Variants in TIAM1 observed in about 807,000 individuals in gnomAD.
The protein encoded by TIAM1 is TIAM Rac1 associated GEF 1, also known as rho guanine nucleotide exchange factor TIAM1.
A neutral mutation model predicts 163.5 loss-of-function variants in TIAM1; 65 were observed. That is an observed-to-expected ratio of 0.40 (90% confidence interval 0.33 to 0.49). TIAM1 has a LOEUF of 0.49. Ranked by LOEUF, TIAM1 falls within the 20% of genes least tolerant of loss-of-function variation. TIAM1 has a pLI of 0.77. For synonymous variants in TIAM1, 833 were observed against 810.1 expected, an observed-to-expected ratio of 1.03 and a Z score of -0.48; for missense variants, 1,789 against 2,044.7, an observed-to-expected ratio of 0.87 and a Z score of 2.41.
intron 15 of TIAM1, among the ~76,000 whole-genome samples, chr21:31,178,035 GC>G (rs1328906664): frequency 6.6e-6 from 1 of 152,116 alleles, no homozygotes; most frequent in Non-Finnish European, 1.5e-5. Context: ...AGTCCATCCT[GC>G]CCGTTGTACA....
At chr21:31,423,853 TC>T (rs2043679514) in intron 2 of TIAM1, among the ~76,000 whole-genome samples, 1 of 7,638 alleles carries the variant, frequency 1.3e-4, no homozygotes, top group Non-Finnish European at 3.7e-4. Context: ...TTAATGATTA[TC>T]GGGGGGGGCG....
chr21:31,135,363 T>TAAG (rs1454251630), intron 23 of TIAM1, among the ~76,000 whole-genome samples: 1 of 152,172 alleles, frequency 6.6e-6, no homozygotes, highest in Non-Finnish European at 1.5e-5. Context: ...TATTAAAAAA[T>TAAG]AAGTCATTCG....
intron 6 of TIAM1, among the ~76,000 whole-genome samples, chr21:31,229,746 A>G (rs964477065): frequency 9.3e-5 from 14 of 151,346 alleles, no homozygotes; most frequent in African/African-American, 3.4e-4. Context: ...TCCGCCTCCC[A>G]AGTTCAAGAG....
chr21:31,341,862 C>G (rs543157481), intron 1 of TIAM1, among the ~76,000 whole-genome samples: 1 of 152,138 alleles, frequency 6.6e-6, no homozygotes, highest in African/African-American at 2.4e-5. Flanking sequence ...AAGGAGGTGG[C>G]CTTTGTTTGT....
chr21:31,496,620 AT>A (rs1446618077), intron 1 of TIAM1, among the ~76,000 whole-genome samples: 4 of 149,504 alleles, frequency 2.7e-5, no homozygotes, highest in African/African-American at 7.3e-5. Flanking sequence ...AGAAAAAAAA[AT>A]TTTTATACAT....
intron 2 of TIAM1, among the ~76,000 whole-genome samples, chr21:31,383,959 C>G (rs1422398678): frequency 6.6e-6 from 1 of 152,144 alleles, no homozygotes; most frequent in Non-Finnish European, 1.5e-5. Flanking sequence ...CTGACAGCTG[C>G]TCCTCTATCT....
intron 1 of TIAM1, among the ~76,000 whole-genome samples, chr21:31,512,879 A>T (rs2047260517): frequency 6.6e-6 from 1 of 151,986 alleles, no homozygotes; most frequent in African/African-American, 2.4e-5. Flanking sequence ...CCTGAGCTCA[A>T]GTGATCCTCC....
At chr21:31,299,548 G>C (rs1228071367) in intron 2 of TIAM1, among the ~76,000 whole-genome samples, 1 of 152,190 alleles carries the variant, frequency 6.6e-6, no homozygotes. Flanking sequence ...CTTGAAATCT[G>C]AAACAGATAA....
chr21:31,538,442 C>T (rs1459129935), intron 1 of TIAM1, among the ~76,000 whole-genome samples: 2 of 152,086 alleles, frequency 1.3e-5, no homozygotes, highest in Non-Finnish European at 2.9e-5. Context: ...ACTCAGGAGG[C>T]TGAGATGGGA....
chr21:31,260,108 CTTTT>C (rs563555244), intron 4 of TIAM1, among the ~76,000 whole-genome samples: 3 of 131,184 alleles, frequency 2.3e-5, no homozygotes, highest in Non-Finnish European at 3.3e-5. Context: ...CTAATTTTTC[CTTTT>C]TTTTTTTTTT....
At chr21:31,350,284 T>C (rs973598131) in intron 2 of TIAM1, among the ~76,000 whole-genome samples, 2 of 152,140 alleles carry the variant, frequency 1.3e-5, no homozygotes, top group African/African-American at 2.4e-5. Flanking sequence ...TTTAATGGTA[T>C]TCATGGGTGG....
intron 1 of TIAM1, among the ~76,000 whole-genome samples, chr21:31,513,356 G>A (rs1308624535): frequency 3.3e-5 from 5 of 152,172 alleles, no homozygotes; most frequent in Non-Finnish European, 7.3e-5. Context: ...CAGTCCACTA[G>A]TCTGTGCTGC....
intron 16 of TIAM1, among the ~76,000 whole-genome samples, chr21:31,156,987 C>T (rs2083656345): frequency 6.6e-6 from 1 of 152,224 alleles, no homozygotes; most frequent in South Asian, 2.1e-4. Context: ...ATATTCTTCA[C>T]TGCAGTCTAT....
chr21:31,204,264 G>A (rs2086343669), intron 11 of TIAM1, among the ~76,000 whole-genome samples: 1 of 152,074 alleles, frequency 6.6e-6, no homozygotes, highest in South Asian at 2.1e-4. Context: ...ATAATGTCTG[G>A]AATTTGCTTC....
intron 1 of TIAM1, among the ~76,000 whole-genome samples, chr21:31,470,766 G>A (rs1038488992): frequency 3.3e-5 from 5 of 152,168 alleles, no homozygotes; most frequent in East Asian, 3.9e-4. Context: ...CAATGCTGCC[G>A]GGAAAACCAT....
chr21:31,243,203 A>ATATATAT (rs1214097603), intron 6 of TIAM1, among the ~76,000 whole-genome samples: 1 of 132,736 alleles, frequency 7.5e-6, no homozygotes, highest in African/African-American at 3.1e-5. Context: ...AAAAAAAAAA[A>ATATATAT]AAAAAAATAT....
At chr21:31,127,264 A>G in intron 25 of TIAM1, 112 bp from the exon 26 acceptor site, 1 of 892,248 alleles carries the variant, frequency 1.1e-6, no homozygotes, top group Admixed American at 2.2e-5. Context: ...AGAACACTGT[A>G]TAAGATCAAA....
chr21:31,164,769 A>G (rs2084124918), intron 16 of TIAM1, among the ~76,000 whole-genome samples, 193 bp downstream of exon 16: 1 of 152,228 alleles, frequency 6.6e-6, no homozygotes, highest in South Asian at 2.1e-4. Flanking sequence ...TTTCTCCCCT[A>G]TATTCTCACA....
intron 1 of TIAM1, among the ~76,000 whole-genome samples, chr21:31,541,222 T>C (rs1321184111): frequency 6.6e-6 from 1 of 152,170 alleles, no homozygotes; most frequent in African/African-American, 2.4e-5. Context: ...TTTGGGAGGC[T>C]GAGGCGGGCA....
Sources: gnomAD v4.1 joint callset for allele counts (sites outside exome capture counted in the v4.1 genomes callset) on GRCh38, gnomAD v4.1.1 for gene constraint, MANE v1.5 for transcripts, NCBI Gene and HGNC (gene_info 2026-07-23, HGNC 2026-07-21) for gene names.